Variants in SMYD3 observed in about 807,000 individuals in gnomAD.
SMYD3 encodes SET and MYND domain containing 3, also known as histone-lysine N-methyltransferase SMYD3.
Under a neutral mutation model 57.7 loss-of-function variants are expected in SMYD3, and 36 were observed. The observed-to-expected ratio is 0.62, with a 90% CI of 0.48 to 0.82. The LOEUF (loss-of-function observed/expected upper bound fraction) is 0.82. Among genes scored for constraint, SMYD3 ranks in the 40% least tolerant of loss-of-function variants. The pLI, the probability that SMYD3 is intolerant of heterozygous loss-of-function variation, is 0.00. For missense variants in SMYD3, 515 were observed against 538.8 expected (o/e 0.96, Z 0.44); for synonymous variants, 211 against 195.0 (o/e 1.08, Z -0.68).
intron 10 of SMYD3, among the ~76,000 whole-genome samples, chr1:245,770,103 C>T (rs553002368): frequency 1.1e-4 from 16 of 152,332 alleles, no homozygotes; most frequent in African/African-American, 3.8e-4. Flanking sequence ...CTGCTGAAAA[C>T]ACGAAATGCT....
intron 5 of SMYD3, among the ~76,000 whole-genome samples, chr1:246,099,325 C>A (rs2060970891): frequency 6.6e-6 from 1 of 152,142 alleles, no homozygotes; most frequent in African/African-American, 2.4e-5. Context: ...TGGCAACAAA[C>A]TGATTTCCAT....
intron 9 of SMYD3, among the ~76,000 whole-genome samples, chr1:245,860,534 A>C (rs1447592769): frequency 6.6e-6 from 1 of 152,218 alleles, no homozygotes; most frequent in Non-Finnish European, 1.5e-5. Flanking sequence ...TTCCTTGATG[A>C]GAATTTAAAG....
intron 1 of SMYD3, among the ~76,000 whole-genome samples, chr1:246,432,310 T>A (rs1448560450): frequency 6.6e-6 from 1 of 152,216 alleles, no homozygotes; most frequent in African/African-American, 2.4e-5. Flanking sequence ...AAAATTAAGT[T>A]GCTTTAATGA....
At chr1:246,359,989 G>A (rs1275139904) in intron 1 of SMYD3, among the ~76,000 whole-genome samples, 6 of 152,050 alleles carry the variant, frequency 3.9e-5, no homozygotes, top group Admixed American at 3.9e-4. Flanking sequence ...AGAAATCAAA[G>A]GTATCCAAAT....
intron 10 of SMYD3, among the ~76,000 whole-genome samples, chr1:245,858,214 A>G (rs2051351593): frequency 6.6e-6 from 1 of 152,206 alleles, no homozygotes; most frequent in South Asian, 2.1e-4. Context: ...TGCAAGCGCC[A>G]CATCGTATTG....
intron 5 of SMYD3, among the ~76,000 whole-genome samples, chr1:246,253,708 G>T (rs1289994319): frequency 6.6e-6 from 1 of 152,222 alleles, no homozygotes; most frequent in East Asian, 1.9e-4. Flanking sequence ...TGTTGTAGGT[G>T]TGTATATCTA....
chr1:245,898,808 C>T (rs545176892), intron 8 of SMYD3, among the ~76,000 whole-genome samples: 23 of 152,266 alleles, frequency 1.5e-4, no homozygotes, highest in South Asian at 8.3e-4. Context: ...CAAAGCAGCA[C>T]GCTATGTTCT....
intron 5 of SMYD3, among the ~76,000 whole-genome samples, chr1:246,252,446 G>A (rs553411386): frequency 6.6e-6 from 1 of 152,194 alleles, no homozygotes; most frequent in African/African-American, 2.4e-5. Context: ...GGAGATGAGT[G>A]AATTTGCCCA....
chr1:246,459,918 CAAAAAAA>C lies in SMYD3; in HGVS notation c.164+47129_164+47135del, dbSNP rs35958617. ...CTGCAGAGGAAACCATTCCGCCACC[CAAAAAAA>C]AAAAAAAAAAAAAAGCCACAAAGAA... On this transcript the variant is annotated intron_variant, in intron 1 of 11. Coordinates refer to ENST00000490107, the MANE Select transcript of SMYD3 (RefSeq NM_001167740.2). Among the ~76,000 whole-genome samples, 163 of 88,940 alleles carry C rather than the reference CAAAAAAA, an allele frequency of 1.8e-3. 1 individual carries two copies. The highest frequency in any genetic ancestry group is 8.4e-4 in the Non-Finnish European group (39 of 46,200). 58.3% of individuals were successfully genotyped at this position (88,940 alleles called of 152,430 possible).
rs113622128 is a variant in SMYD3, at chr1:245,794,451, G to A, written c.1077-30302C>T. On this transcript the variant is annotated intron_variant, in intron 10 of 11. Coordinates refer to ENST00000490107, the MANE Select transcript of SMYD3 (RefSeq NM_001167740.2). ...GTTCTCTCAATCAAATTGAAATCAGGTTGTAAGATTCTCTGCCAGCGATGT... is the reference window on the plus strand; with the variant it reads ...GTTCTCTCAATCAAATTGAAATCAGATTGTAAGATTCTCTGCCAGCGATGT... 9.6e-3 allele frequency among the ~76,000 whole-genome samples: 1,458 copies of A among 152,322 alleles called. 8 individuals carry two copies. The highest frequency in any genetic ancestry group is 0.015 in the Non-Finnish European group (1,006 of 68,030).
intron 10 of SMYD3, among the ~76,000 whole-genome samples, chr1:245,769,227 T>G (rs553130194): frequency 2.6e-5 from 4 of 152,198 alleles, no homozygotes; most frequent in African/African-American, 9.7e-5. Flanking sequence ...GATTAACTTG[T>G]CACCATCTAA....
chr1:246,313,635 T>G (rs1413660118), intron 5 of SMYD3, among the ~76,000 whole-genome samples: 1 of 152,214 alleles, frequency 6.6e-6, no homozygotes, highest in Admixed American at 6.5e-5. Context: ...TCTGGTCACA[T>G]GTAGCTCTAA....
At chr1:246,023,171 GAC>G (rs1461751434) in intron 5 of SMYD3, among the ~76,000 whole-genome samples, 2 of 152,162 alleles carry the variant, frequency 1.3e-5, no homozygotes, top group African/African-American at 4.8e-5. Flanking sequence ...ACAGCTAAGA[GAC>G]ACAAGTGCTG....
Position 246,123,963 on chromosome 1 carries a change from ACTATAT to A in SMYD3, c.532-194032_532-194027del, listed in dbSNP as rs201787622. On this transcript the variant is annotated intron_variant, in intron 5 of 11. Transcript: ENST00000490107. ...ACAAGTCATGTCTGTCATCCTTGTCACTATATCTATATCTACGAATATACCACATTT... is the reference window on the plus strand; with the variant it reads ...ACAAGTCATGTCTGTCATCCTTGTCACTATATCTACGAATATACCACATTT... Among the ~76,000 whole-genome samples the A allele has an allele frequency of 4.8e-3, 729 of 152,280 alleles. 6 individuals are homozygous for A. Among genetic ancestry groups the A allele is most frequent in the African/African-American group, 0.017 (705 of 41,548 alleles).
intron 11 of SMYD3, among the ~76,000 whole-genome samples, chr1:245,756,261 C>A (rs2045602131): frequency 1.3e-5 from 2 of 151,282 alleles, no homozygotes; most frequent in Middle Eastern, 3.2e-3. Context: ...AGTGTAGAAA[C>A]CTTCCCTTTA....
At chr1:245,940,167 T>G (rs4509546) in intron 5 of SMYD3, among the ~76,000 whole-genome samples, 94,895 of 152,054 alleles carry the variant, frequency 0.62, 35,079 homozygotes, top group Non-Finnish European at 0.83. Flanking sequence ...GAGGGGCAGC[T>G]ATGGTCTCTA....
chr1:246,438,878 C>T (rs971924869), intron 1 of SMYD3, among the ~76,000 whole-genome samples: 1 of 151,576 alleles, frequency 6.6e-6, no homozygotes, highest in Non-Finnish European at 1.5e-5. Flanking sequence ...GGTTCACGCT[C>T]CCGTGAGAAT....
intron 5 of SMYD3, among the ~76,000 whole-genome samples, chr1:246,279,959 C>T (rs972671963): frequency 2.6e-5 from 4 of 152,024 alleles, no homozygotes; most frequent in African/African-American, 7.3e-5. Context: ...AGTACTTACT[C>T]GTAGTAAGTA....
chr1:246,022,374 T>A (rs372750898), intron 5 of SMYD3, among the ~76,000 whole-genome samples: 2 of 152,206 alleles, frequency 1.3e-5, no homozygotes, highest in African/African-American at 4.8e-5. Context: ...AGATTGAGTA[T>A]GAGAACTACA....
Sources: gnomAD v4.1 joint callset for allele counts (sites outside exome capture counted in the v4.1 genomes callset) on GRCh38, gnomAD v4.1.1 for gene constraint, MANE v1.5 for transcripts, NCBI Gene and HGNC (gene_info 2026-07-23, HGNC 2026-07-21) for gene names.